The following YIPF4 variants were observed in gnomAD, a reference collection of about 807,000 sequenced individuals.
YIPF4 encodes the protein protein YIPF4.
Under a neutral mutation model 29.4 loss-of-function variants are expected in YIPF4, and 18 were observed. That is an observed-to-expected ratio of 0.61 (90% CI 0.42 to 0.91). YIPF4 has a LOEUF of 0.91. Ranked by LOEUF, YIPF4 falls within the 40% of genes least tolerant of loss-of-function variation. The pLI is 0.00. For synonymous variants in YIPF4, 115 were observed against 104.7 expected (o/e 1.10, Z -0.60); for missense variants, 279 against 282.7 (o/e 0.99, Z 0.09).
rs990030148 is a variant in YIPF4 at position 32,312,515 on chromosome 2, A to T, written c.*6889A>T. 10 of 150,520 alleles carry T rather than the reference A, an allele frequency of 6.6e-5. 1 individual carries two copies. In the East Asian group the frequency reaches 1.9e-3, roughly 29 times the overall value. The allele number at this position is 150,520 out of a possible 1,614,324, so 9.3% of individuals were successfully genotyped here. A position where few individuals can be genotyped will look rare whatever the true frequency, so the allele number is the denominator to read the frequency against. ...AAAAAAAAAAAAAAAAAAAAAAAAAAAAAATTATTTTCAAAGGATTGTGCT... is the reference window on the plus strand; with the variant it reads ...AAAAAAAAAAAAAAAAAAAAAAAAATAAAATTATTTTCAAAGGATTGTGCT... On this transcript the variant is annotated 3_prime_UTR_variant, in exon 6 of 6. Transcript: ENST00000238831.
intron 5 of YIPF4, among the ~76,000 whole-genome samples, chr2:32,303,727 T>TA (rs2031482851): frequency 6.6e-6 from 1 of 152,208 alleles, no homozygotes; most frequent in Non-Finnish European, 1.5e-5. Context: ...TCTTTGTGTT[T>TA]AAATACTTCA....
chr2:32,287,080 A>G (rs1359066807), intron 1 of YIPF4, among the ~76,000 whole-genome samples: 3 of 152,032 alleles, frequency 2.0e-5, no homozygotes, highest in Non-Finnish European at 4.4e-5. Context: ...CCCCATCTCT[A>G]CTAAAAATAC....
chr2:32,292,698 C>T (rs2030969334), intron 3 of YIPF4, among the ~76,000 whole-genome samples: 1 of 151,432 alleles, frequency 6.6e-6, no homozygotes, highest in African/African-American at 2.4e-5. Context: ...CCTGTCTCTA[C>T]TAAAACTACA....
chr2:32,279,481 T>C (rs2030285327), intron 1 of YIPF4, among the ~76,000 whole-genome samples: 1 of 140,926 alleles, frequency 7.1e-6, no homozygotes, highest in Non-Finnish European at 1.5e-5. Context: ...CACTGCGAGC[T>C]CTGCCTCCCG....
In YIPF4 at chr2:32,306,899, CT is replaced by C. The variant is rs1348670617; in HGVS notation, c.*1276del. On this transcript the variant is annotated 3_prime_UTR_variant, in exon 6 of 6. Transcript: ENST00000238831. ...CATGGCGACCTCTTGGTATGTATTT[CT>C]TTAGCAAACTTACCCATCAGGAAAT... 3.5e-6 allele frequency: 1 copy of C among 286,690 alleles called. No individual in the cohort carries two copies. The highest frequency in any genetic ancestry group is 6.8e-6 in the Non-Finnish European group (1 of 147,736). 17.8% of individuals were successfully genotyped at this position (286,690 alleles called of 1,614,324 possible).
In YIPF4 at chr2:32,316,306, T is replaced by C. The variant is rs2031832223; in HGVS notation, c.*10680T>C. 1 of 152,218 alleles carries C rather than the reference T, an allele frequency of 6.6e-6. No individual in the cohort carries two copies. Among genetic ancestry groups the C allele is most frequent in the South Asian group, 2.1e-4 (1 of 4,834 alleles). 9.4% of individuals were successfully genotyped at this position (152,218 alleles called of 1,614,324 possible). On this transcript the variant is annotated 3_prime_UTR_variant, in exon 6 of 6. Coordinates refer to ENST00000238831, the MANE Select transcript of YIPF4 (RefSeq NM_032312.4). The stretch of plus-strand genomic sequence containing the variant: ...AAATCAATAAAATGGGCTAGGGATA[T>C]AAATCAGCAATTCAAGGGGAGGGTA...
chr2:32,296,690 G>T (rs1473752275), intron 3 of YIPF4, among the ~76,000 whole-genome samples: 1 of 152,104 alleles, frequency 6.6e-6, no homozygotes, highest in Non-Finnish European at 1.5e-5. Context: ...TGATCACTTG[G>T]TTAGGTGATA....
intron 1 of YIPF4, among the ~76,000 whole-genome samples, chr2:32,286,965 C>T (rs1384706132): frequency 6.6e-6 from 1 of 152,146 alleles, no homozygotes; most frequent in Non-Finnish European, 1.5e-5. Context: ...TATCCTTAGG[C>T]CAGGCACAGT....
chr2:32,282,945 C>T (rs1195843371), intron 1 of YIPF4, among the ~76,000 whole-genome samples: 1 of 151,422 alleles, frequency 6.6e-6, no homozygotes, highest in Non-Finnish European at 1.5e-5. Context: ...GGGGTGGTGG[C>T]GGGTGCCTGT....
At chr2:32,293,281 T>C (rs2148962546) in intron 3 of YIPF4, among the ~76,000 whole-genome samples, 1 of 151,760 alleles carries the variant, frequency 6.6e-6, no homozygotes, top group Non-Finnish European at 1.5e-5. Flanking sequence ...GATTAGGGAG[T>C]GGTGATGACT....
Position 32,314,253 on chromosome 2 carries a change from A to G in YIPF4, c.*8627A>G, listed in dbSNP as rs561175469. Reference sequence around the variant, plus strand: ...CAAAAACATGAAGAATTTCACAAGTATTATGTTGAGTGAAAAAGACAAAGA... The same window carrying G: ...CAAAAACATGAAGAATTTCACAAGTGTTATGTTGAGTGAAAAAGACAAAGA... On this transcript the variant is annotated 3_prime_UTR_variant, in exon 6 of 6. Coordinates refer to ENST00000238831, the MANE Select transcript of YIPF4 (RefSeq NM_032312.4). 1.1e-4 allele frequency: 16 copies of G among 152,360 alleles called. No homozygotes were observed. The East Asian group carries it at 2.9e-3, about 28-fold the overall frequency. The allele number at this position is 152,360 out of a possible 1,614,324, so 9.4% of individuals were successfully genotyped here.
chr2:32,282,602 T>G (rs986319238), intron 1 of YIPF4, among the ~76,000 whole-genome samples: 1 of 151,916 alleles, frequency 6.6e-6, no homozygotes, highest in Non-Finnish European at 1.5e-5. Context: ...CCAGCTAATG[T>G]TTTGTATCGT....
chr2:32,305,931 C>G lies in YIPF4; in HGVS notation c.*305C>G, dbSNP rs577674716. On this transcript the variant is annotated 3_prime_UTR_variant, in exon 6 of 6. Transcript: ENST00000238831. ...ACCTAAAAACTTGTGCCAAAAGCAC[C>G]TGGATTGGTAATTATATTTCACTTA... 1 of 1,015,488 alleles carries G rather than the reference C, an allele frequency of 9.8e-7. No homozygotes were observed. Among genetic ancestry groups the G allele is most frequent in the African/African-American group, 1.7e-5 (1 of 58,542 alleles). The allele number at this position is 1,015,488 out of a possible 1,614,324, so 62.9% of individuals were successfully genotyped here.
Position 32,292,789 on chromosome 2 carries a change from G to A in YIPF4, c.405+441G>A, listed in dbSNP as rs1422085794. Among the ~76,000 whole-genome samples, 6 of 151,068 alleles carry A rather than the reference G, an allele frequency of 4.0e-5. No homozygotes were observed. The East Asian group carries it at 7.8e-4, about 20-fold the overall frequency. On this transcript the variant is annotated intron_variant, in intron 3 of 5. Coordinates refer to ENST00000238831, the MANE Select transcript of YIPF4 (RefSeq NM_032312.4). Reference sequence around the variant, plus strand: ...TGAGGCAGGAGAATCACTTGAACCCGGGAGGCCGAGGTTGCAGTGAGCCAA... The same window carrying A: ...TGAGGCAGGAGAATCACTTGAACCCAGGAGGCCGAGGTTGCAGTGAGCCAA...
At chr2:32,302,429 C>T (rs1294278902) in intron 5 of YIPF4, among the ~76,000 whole-genome samples, 1 of 152,100 alleles carries the variant, frequency 6.6e-6, no homozygotes, top group Non-Finnish European at 1.5e-5. Context: ...TAAAATTCCA[C>T]TGGACATTTA....
At chr2:32,293,713 C>A (rs1450985192) in intron 3 of YIPF4, among the ~76,000 whole-genome samples, 1 of 151,060 alleles carries the variant, frequency 6.6e-6, no homozygotes, top group Non-Finnish European at 1.5e-5. Flanking sequence ...GCTGGCCGGG[C>A]GGGGGGCTGA....
At chr2:32,289,562 G>A (rs2030825116) in intron 1 of YIPF4, among the ~76,000 whole-genome samples, 1 of 152,052 alleles carries the variant, frequency 6.6e-6, no homozygotes, top group South Asian at 2.1e-4. Flanking sequence ...CAGTATTGAT[G>A]GTTGTTTATT....
At chr2:32,289,970 T>C (rs2030841337) in intron 1 of YIPF4, among the ~76,000 whole-genome samples, 1 of 152,138 alleles carries the variant, frequency 6.6e-6, no homozygotes, top group Admixed American at 6.5e-5. Context: ...TGTGATGATT[T>C]AAATGAAAGA....
intron 3 of YIPF4, among the ~76,000 whole-genome samples, chr2:32,293,709 CGGGCGGGGGGCT>C (rs1558477803): frequency 2.0e-5 from 3 of 150,734 alleles, no homozygotes; most frequent in African/African-American, 7.4e-5. Flanking sequence ...GGCGGCTGGC[CGGGCGGGGGGCT>C]GACCCCCCAA....
Sources: allele counts gnomAD v4.1 joint callset (sites outside exome capture counted in the v4.1 genomes callset), GRCh38; gene constraint gnomAD v4.1.1; transcripts MANE v1.5; gene names NCBI Gene and HGNC (gene_info 2026-07-23, HGNC 2026-07-21).